Variants in NAALADL2 observed in about 807,000 individuals in gnomAD.
NAALADL2 encodes the protein inactive N-acetylated-alpha-linked acidic dipeptidase-like protein 2.
In NAALADL2, 76 loss-of-function variants were observed where a neutral mutation model predicts 87.2. The observed-to-expected ratio is 0.87, with a 90% CI of 0.72 to 1.05. The LOEUF is 1.05. Ranked by LOEUF, NAALADL2 falls within the 50% of genes least tolerant of loss-of-function variation. The pLI is 0.00. For missense variants in NAALADL2, 1,089 were observed against 945.8 expected, an observed-to-expected ratio of 1.15 and a Z score of -1.99; for synonymous variants, 354 against 331.0, an observed-to-expected ratio of 1.07 and a Z score of -0.75.
chr3:174,480,119 C>G (rs1280199110), intron 1 of NAALADL2, among the ~76,000 whole-genome samples: 1 of 152,046 alleles, frequency 6.6e-6, no homozygotes, highest in Non-Finnish European at 1.5e-5. Context: ...TTGTTTCTTC[C>G]TATTCTTCAC....
chr3:175,424,118 A>AT (rs1716367318), intron 5 of NAALADL2, among the ~76,000 whole-genome samples: 1 of 151,610 alleles, frequency 6.6e-6, no homozygotes, highest in Admixed American at 6.6e-5. Flanking sequence ...GGGTTGTTTG[A>AT]TTTTTTTCTT....
At chr3:174,897,604 T>C (rs1002904730) in intron 1 of NAALADL2, among the ~76,000 whole-genome samples, 6 of 152,158 alleles carry the variant, frequency 3.9e-5, no homozygotes, top group Admixed American at 3.3e-4. Flanking sequence ...GGAGAACAGT[T>C]TGGAGGTTCC....
At chr3:174,642,749 C>CATATATATATAT (rs71624288) in intron 2 of NAALADL2, among the ~76,000 whole-genome samples, 90 of 130,216 alleles carry the variant, frequency 6.9e-4, no homozygotes, top group African/African-American at 2.3e-3. Flanking sequence ...TGAAAAAAAA[C>CATATATATATAT]ATATATATAT....
intron 4 of NAALADL2, among the ~76,000 whole-genome samples, chr3:175,261,539 T>C (rs908364324): frequency 6.6e-6 from 1 of 152,096 alleles, no homozygotes; most frequent in Non-Finnish European, 1.5e-5. Context: ...TTGTGCATAA[T>C]TAAATTACAC....
At chr3:175,673,126 A>G (rs1734239298) in intron 11 of NAALADL2, among the ~76,000 whole-genome samples, 1 of 152,186 alleles carries the variant, frequency 6.6e-6, no homozygotes, top group Non-Finnish European at 1.5e-5. Flanking sequence ...CTCTATCTCC[A>G]GCTGACTCAC....
intron 1 of NAALADL2, among the ~76,000 whole-genome samples, chr3:175,041,018 A>G (rs1045296920): frequency 2.0e-5 from 3 of 152,112 alleles, no homozygotes; most frequent in Non-Finnish European, 2.9e-5. Flanking sequence ...TCAGCTTGAA[A>G]AGTTGCTTTT....
At chr3:175,401,544 T>G (rs551176040) in intron 5 of NAALADL2, among the ~76,000 whole-genome samples, 2 of 152,222 alleles carry the variant, frequency 1.3e-5, no homozygotes, top group East Asian at 3.9e-4. Flanking sequence ...AAACCCAGAT[T>G]ATATAGCCTA....
chr3:175,252,713 A>G (rs1749270081), intron 3 of NAALADL2, among the ~76,000 whole-genome samples: 1 of 152,236 alleles, frequency 6.6e-6, no homozygotes, highest in African/African-American at 2.4e-5. Context: ...GTGAATGCTA[A>G]GGAAAAGTTC....
chr3:175,138,941 A>C (rs1001601591), intron 2 of NAALADL2, among the ~76,000 whole-genome samples: 70 of 130,846 alleles, frequency 5.3e-4, no homozygotes, highest in Admixed American at 1.0e-3. Flanking sequence ...TGAAGGTTTT[A>C]TTTCTGTTAT....
chr3:175,217,061 A>G (rs373343866), intron 2 of NAALADL2, among the ~76,000 whole-genome samples: 6 of 152,294 alleles, frequency 3.9e-5, no homozygotes, highest in African/African-American at 1.4e-4. Flanking sequence ...TATCTAAAAC[A>G]TTGATTCACA....
chr3:175,306,640 G>A (rs1385836077), intron 4 of NAALADL2, among the ~76,000 whole-genome samples: 1 of 152,056 alleles, frequency 6.6e-6, no homozygotes, highest in African/African-American at 2.4e-5. Context: ...ATCTTGGCCA[G>A]CATGGTGAAA....
At chr3:175,718,902 C>A (rs879122573) in intron 11 of NAALADL2, among the ~76,000 whole-genome samples, 4 of 151,952 alleles carry the variant, frequency 2.6e-5, no homozygotes, top group South Asian at 4.1e-4. Context: ...CCAACAACAA[C>A]AAAAAACAAG....
At chr3:174,539,519 T>C (rs1722027676) in intron 1 of NAALADL2, among the ~76,000 whole-genome samples, 1 of 152,186 alleles carries the variant, frequency 6.6e-6, no homozygotes, top group Admixed American at 6.5e-5. Flanking sequence ...TTCTTCATTC[T>C]AGAGACTTAC....
intron 3 of NAALADL2, among the ~76,000 whole-genome samples, chr3:174,812,347 G>A: frequency 6.6e-6 from 1 of 152,114 alleles, no homozygotes; most frequent in African/African-American, 2.4e-5. Context: ...ACACCTAGCT[G>A]TCATAACATC....
chr3:174,685,158 C>T (rs1727914595), intron 2 of NAALADL2, among the ~76,000 whole-genome samples: 1 of 152,064 alleles, frequency 6.6e-6, no homozygotes, highest in Non-Finnish European at 1.5e-5. Flanking sequence ...TTCCTAAAGT[C>T]AGCTATCAAT....
At chr3:175,521,713 G>A (rs77402063) in intron 9 of NAALADL2, among the ~76,000 whole-genome samples, 2,707 of 152,200 alleles carry the variant, frequency 0.018, 80 homozygotes, top group African/African-American at 0.062. Context: ...TTAGAGTGAT[G>A]CTTCTACAAG....
At chr3:175,428,000 T>C (rs958255373) in intron 5 of NAALADL2, among the ~76,000 whole-genome samples, 9 of 152,130 alleles carry the variant, frequency 5.9e-5, no homozygotes, top group African/African-American at 2.2e-4. Context: ...ATCTTCACCT[T>C]TTTTTGAAAC....
chr3:175,066,595 A>C (rs536450408), intron 1 of NAALADL2, among the ~76,000 whole-genome samples: 2 of 152,290 alleles, frequency 1.3e-5, no homozygotes, highest in African/African-American at 4.8e-5. Flanking sequence ...TGAATGGCTT[A>C]TGGTGAGGTG....
At chr3:174,703,326 A>G (rs1729737432) in intron 2 of NAALADL2, among the ~76,000 whole-genome samples, 1 of 149,892 alleles carries the variant, frequency 6.7e-6, no homozygotes, top group East Asian at 2.0e-4. Flanking sequence ...TTTGTAGAGA[A>G]GGGGTCTCAC....
Sources: allele counts gnomAD v4.1 joint callset (sites outside exome capture counted in the v4.1 genomes callset), GRCh38; gene constraint gnomAD v4.1.1; transcripts MANE v1.5; gene names NCBI Gene and HGNC (gene_info 2026-07-23, HGNC 2026-07-21).